The following TANC2 variants were observed in gnomAD, a reference collection of about 807,000 sequenced individuals.
The protein encoded by TANC2 is tetratricopeptide repeat, ankyrin repeat and coiled-coil containing 2, also known as protein TANC2.
A neutral mutation model predicts 210.5 loss-of-function variants in TANC2; 26 were observed. The ratio of observed to expected loss-of-function variants is 0.12; its 90% confidence interval spans 0.09 to 0.17. TANC2 has a LOEUF of 0.17. TANC2 is among the 10% of genes least tolerant of loss of function. TANC2 has a pLI of 1.00. For missense variants in TANC2, 2,129 were observed against 2,608.9 expected, an observed-to-expected ratio of 0.82 and a Z score of 4.01; for synonymous variants, 931 against 967.1, an observed-to-expected ratio of 0.96 and a Z score of 0.69.
chr17:63,092,867 A>C (rs1057060582), intron 3 of TANC2, among the ~76,000 whole-genome samples: 1 of 152,018 alleles, frequency 6.6e-6, no homozygotes, highest in Admixed American at 6.6e-5. Flanking sequence ...TATCCAAACT[A>C]TATTATCATC....
intron 1 of TANC2, among the ~76,000 whole-genome samples, chr17:63,007,197 C>T (rs1036011983): frequency 2.0e-5 from 3 of 152,144 alleles, no homozygotes; most frequent in Non-Finnish European, 4.4e-5. Flanking sequence ...CCACTGTTCT[C>T]CAGCCTGGGT....
intron 14 of TANC2, among the ~76,000 whole-genome samples, chr17:63,358,624 C>CTG (rs2046860002): frequency 6.6e-6 from 1 of 152,128 alleles, no homozygotes; most frequent in Non-Finnish European, 1.5e-5. Context: ...ACGGAGATAT[C>CTG]AGATTAACTC....
At chr17:63,009,398 CATTT>C (rs1713181261) in intron 1 of TANC2, among the ~76,000 whole-genome samples, 135 bp from the exon 2 acceptor site, 2 of 152,122 alleles carry the variant, frequency 1.3e-5, no homozygotes, top group Non-Finnish European at 2.9e-5. Context: ...TCCTCTCAAT[CATTT>C]ATTTATTGAG....
chr17:63,105,173 C>T (rs1201734583), intron 4 of TANC2, among the ~76,000 whole-genome samples: 6 of 151,770 alleles, frequency 4.0e-5, no homozygotes, highest in Non-Finnish European at 8.8e-5. Flanking sequence ...CAAATACCAA[C>T]ATCAAATAGA....
chr17:63,417,699 A>ACC (rs1248718771), intron 26 of TANC2, among the ~76,000 whole-genome samples: 1 of 151,940 alleles, frequency 6.6e-6, no homozygotes, highest in Non-Finnish European at 1.5e-5. Context: ...ACTTGATCCT[A>ACC]CCCCCGGGGT....
At chr17:63,314,288 T>C in intron 9 of TANC2, 100 bp from the exon 10 acceptor site, 1 of 1,327,828 alleles carries the variant, frequency 7.5e-7, no homozygotes, top group Non-Finnish European at 1.0e-6. Context: ...TGCCATCATA[T>C]GATAACTCAA....
At chr17:63,163,206 T>C (rs2040087172) in intron 5 of TANC2, among the ~76,000 whole-genome samples, 1 of 152,048 alleles carries the variant, frequency 6.6e-6, no homozygotes, top group South Asian at 2.1e-4. Context: ...GCTAGAAATA[T>C]CAAGTGGTTG....
At chr17:63,300,608 G>A (rs915760891) in intron 9 of TANC2, among the ~76,000 whole-genome samples, 1 of 152,170 alleles carries the variant, frequency 6.6e-6, no homozygotes, top group Non-Finnish European at 1.5e-5. Flanking sequence ...AGGAATGCTT[G>A]TGGGTTTTGC....
At chr17:63,142,283 T>A (rs1275410832) in intron 4 of TANC2, among the ~76,000 whole-genome samples, 1 of 152,216 alleles carries the variant, frequency 6.6e-6, no homozygotes. Context: ...TTACTTGTTA[T>A]AAATCTATTC....
At chr17:63,395,782 C>T (rs750182978) in exon 18 of TANC2, 1 of 1,613,576 alleles carries the variant, frequency 6.2e-7, no homozygotes, top group Non-Finnish European at 8.5e-7. Flanking sequence ...TGCTTTGGTT[C>T]ATGCTGCACT....
chr17:63,171,171 C>T (rs1338980283), intron 5 of TANC2, among the ~76,000 whole-genome samples: 1 of 149,688 alleles, frequency 6.7e-6, no homozygotes, highest in Non-Finnish European at 1.5e-5. Flanking sequence ...CTGCACTCCA[C>T]CTCCCAGGTT....
At chr17:63,386,631 T>A (rs2047787579) in intron 15 of TANC2, among the ~76,000 whole-genome samples, 1 of 152,216 alleles carries the variant, frequency 6.6e-6, no homozygotes, top group African/African-American at 2.4e-5. Flanking sequence ...AATTTTACGT[T>A]GTTTATATGC....
chr17:63,290,539 G>A (rs2044353602), intron 9 of TANC2, among the ~76,000 whole-genome samples: 1 of 152,114 alleles, frequency 6.6e-6, no homozygotes, highest in Non-Finnish European at 1.5e-5. Flanking sequence ...TTCTTACATT[G>A]TGGCCTGGAA....
At chr17:63,044,214 A>G (rs1047644578) in intron 2 of TANC2, among the ~76,000 whole-genome samples, 3 of 152,182 alleles carry the variant, frequency 2.0e-5, no homozygotes, top group Non-Finnish European at 4.4e-5. Context: ...AGATATAGAT[A>G]ATATATAGAC....
chr17:63,137,290 G>A (rs1403630725), intron 4 of TANC2, among the ~76,000 whole-genome samples: 2 of 152,146 alleles, frequency 1.3e-5, no homozygotes, highest in African/African-American at 2.4e-5. Flanking sequence ...GCTTTGGAGG[G>A]CCAGGAACCA....
intron 7 of TANC2, among the ~76,000 whole-genome samples, chr17:63,223,152 G>A (rs1261520355): frequency 6.6e-6 from 1 of 152,130 alleles, no homozygotes; most frequent in Non-Finnish European, 1.5e-5. Flanking sequence ...TGCTTAATGG[G>A]TATGAAGTTT....
At chr17:63,134,983 G>A (rs953186619) in intron 4 of TANC2, among the ~76,000 whole-genome samples, 12 of 152,138 alleles carry the variant, frequency 7.9e-5, no homozygotes, top group Non-Finnish European at 1.8e-4. Context: ...TTGGGAGGCC[G>A]AGGCAGGAGG....
chr17:63,166,066 G>A (rs1475670899), intron 5 of TANC2, among the ~76,000 whole-genome samples: 2 of 152,158 alleles, frequency 1.3e-5, no homozygotes. Flanking sequence ...GGGCAGTTTT[G>A]TATGCCAGGA....
chr17:63,373,520 A>AT (rs1196181446), intron 14 of TANC2, among the ~76,000 whole-genome samples: 1 of 152,152 alleles, frequency 6.6e-6, no homozygotes, highest in East Asian at 1.9e-4. Context: ...GTAGAACTAG[A>AT]TTTCAAAAAC....
Sources: gnomAD v4.1 joint callset for allele counts (sites outside exome capture counted in the v4.1 genomes callset) on GRCh38, gnomAD v4.1.1 for gene constraint, MANE v1.5 for transcripts, NCBI Gene and HGNC (gene_info 2026-07-23, HGNC 2026-07-21) for gene names.